DOP1B: variants seen among roughly 807,000 people sequenced by gnomAD.
DOP1B encodes protein DOP1B.
A neutral mutation model predicts 233.5 loss-of-function variants in DOP1B; 174 were observed. The ratio of observed to expected loss-of-function variants is 0.75; its 90% CI spans 0.66 to 0.85. The LOEUF (loss-of-function observed/expected upper bound fraction) is 0.85. Ranked by LOEUF, DOP1B falls within the 40% of genes least tolerant of loss-of-function variation. DOP1B has a pLI of 0.00. For synonymous variants in DOP1B, 1,190 were observed against 1,185.6 expected (o/e 1.00, Z -0.08); for missense variants, 2,652 against 2,846.6 (o/e 0.93, Z 1.56).
chr21:36,265,752 G>A (rs1281407461), intron 26 of DOP1B, among the ~76,000 whole-genome samples: 2 of 152,146 alleles, frequency 1.3e-5, no homozygotes, highest in Non-Finnish European at 2.9e-5. Flanking sequence ...CCTTCCTACT[G>A]TTTTGAGCGA....
At chr21:36,227,513 C>G (rs529380679) in intron 12 of DOP1B, among the ~76,000 whole-genome samples, 173 bp from the exon 13 acceptor site, 19 of 151,622 alleles carry the variant, frequency 1.3e-4, no homozygotes, top group South Asian at 8.4e-4. Flanking sequence ...CGACACTGCA[C>G]TCCAGCCTGG....
At chr21:36,183,419 A>G (rs1374147564) in intron 2 of DOP1B, among the ~76,000 whole-genome samples, 1 of 152,246 alleles carries the variant, frequency 6.6e-6, no homozygotes, top group Non-Finnish European at 1.5e-5. Context: ...CTTTACAGCC[A>G]CACATGTCCT....
rs146090646 is a variant in DOP1B, at chr21:36,256,203, C to T, written c.5259+2294C>T. On this transcript the variant is annotated intron_variant, in intron 23 of 36. Transcript: ENST00000691173. ...ATTAGGGGGGCCGGGCATGGTGGCT[C>T]ATGCCTGTAGTCCTAGCACTTTAGT... 6.8e-3 allele frequency among the ~76,000 whole-genome samples: 1,034 copies of T among 152,222 alleles called. 11 individuals are homozygous for T. Among genetic ancestry groups the T allele is most frequent in the African/African-American group, 0.024 (1,004 of 41,540 alleles).
chr21:36,231,570 G>A (rs1485646604), intron 14 of DOP1B, among the ~76,000 whole-genome samples: 1 of 152,052 alleles, frequency 6.6e-6, no homozygotes, highest in East Asian at 1.9e-4. Flanking sequence ...AACCCTGGGT[G>A]TCCAGCACAG....
chr21:36,292,270 T>TTTGTTGAGACAGAG, intron 36 of DOP1B, 37 bp downstream of exon 36: 1 of 1,501,828 alleles, frequency 6.7e-7, no homozygotes, highest in Non-Finnish European at 8.9e-7. Context: ...TTTTTTTTTT[T>TTTGTTGAGACAGAG]TGGTGAGACA....
chr21:36,173,060 C>T lies in DOP1B; in HGVS notation c.138+8189C>T, dbSNP rs369080631. Among the ~76,000 whole-genome samples the T allele has an allele frequency of 4.5e-4, 69 of 152,208 alleles. No individual in the cohort carries two copies. In the East Asian group the frequency reaches 8.7e-3, roughly 19 times the overall value. ...GCTTGAACCTGGGAGGCAGAGGTTG[C>T]AGTGAGCCAAGATTGCACCACTGCA... On this transcript the variant is annotated intron_variant, in intron 2 of 36. Transcript: ENST00000691173.
In DOP1B at chr21:36,183,976, G is replaced by T. The variant is rs545662170; in HGVS notation, c.139-15094G>T. Among the ~76,000 whole-genome samples, 69 of 151,846 alleles carry T rather than the reference G, an allele frequency of 4.5e-4. 1 individual carries two copies. The highest frequency in any genetic ancestry group is 1.6e-3 in the African/African-American group (66 of 41,400). On this transcript the variant is annotated intron_variant, in intron 2 of 36. Coordinates refer to ENST00000691173, the MANE Select transcript of DOP1B (RefSeq NM_001320714.2). ...CCTCCCAGGTTCAAGCTATTCTCCTGCCTCAGCTTCCCGAGTAGCTGGGAC... is the reference window on the plus strand; with the variant it reads ...CCTCCCAGGTTCAAGCTATTCTCCTTCCTCAGCTTCCCGAGTAGCTGGGAC...
At chr21:36,265,316 A>C (rs1430916795) in intron 26 of DOP1B, among the ~76,000 whole-genome samples, 1 of 152,140 alleles carries the variant, frequency 6.6e-6, no homozygotes, top group Non-Finnish European at 1.5e-5. Flanking sequence ...GAATCGCTTG[A>C]ACCTGGGAGG....
At chr21:36,223,470 G>A in intron 11 of DOP1B, 120 bp downstream of exon 11, 1 of 1,319,946 alleles carries the variant, frequency 7.6e-7, no homozygotes, top group Non-Finnish European at 1.0e-6. Flanking sequence ...TCTTTCCTGA[G>A]TTTTAAAATT....
chr21:36,266,194 G>T (rs569649185), intron 26 of DOP1B, among the ~76,000 whole-genome samples: 170 of 152,162 alleles, frequency 1.1e-3, no homozygotes, highest in Non-Finnish European at 2.0e-3. Context: ...TTATTTTTTT[G>T]AGACAGAGTC....
chr21:36,170,769 G>A lies in DOP1B; in HGVS notation c.138+5898G>A, dbSNP rs987131629. ...TGATCATGCCACTACGCTGCAGCAC[G>A]TAGTGCTGAGTGACAGAACAAAACC... is the stretch of plus-strand genomic sequence containing the variant. On this transcript the variant is annotated intron_variant, in intron 2 of 36. Coordinates refer to ENST00000691173, the MANE Select transcript of DOP1B (RefSeq NM_001320714.2). 3.3e-5 allele frequency among the ~76,000 whole-genome samples: 5 copies of A among 151,176 alleles called. No homozygotes were observed. In the South Asian group the frequency reaches 6.3e-4, roughly 19 times the overall value.
chr21:36,225,108 T>C (rs1034693909), intron 11 of DOP1B, among the ~76,000 whole-genome samples: 1 of 152,208 alleles, frequency 6.6e-6, no homozygotes, highest in South Asian at 2.1e-4. Flanking sequence ...ACATGTTAGA[T>C]ACTTTTAGTC....
chr21:36,227,536 G>C (rs1185762849), intron 12 of DOP1B, 150 bp from the exon 13 acceptor site: 1 of 720,108 alleles, frequency 1.4e-6, no homozygotes, highest in Non-Finnish European at 2.1e-6. Context: ...TACAGAGCAA[G>C]ACTCTGTCAA....
intron 2 of DOP1B, among the ~76,000 whole-genome samples, chr21:36,175,035 C>T (rs774986361): frequency 6.6e-6 from 1 of 152,070 alleles, no homozygotes; most frequent in Non-Finnish European, 1.5e-5. Flanking sequence ...CGCTGCCTGG[C>T]TTGGAGATGG....
At chr21:36,225,110 C>G (rs571052055) in intron 11 of DOP1B, among the ~76,000 whole-genome samples, 5 of 152,160 alleles carry the variant, frequency 3.3e-5, no homozygotes, top group Admixed American at 3.3e-4. Flanking sequence ...ATGTTAGATA[C>G]TTTTAGTCAC....
At position 36,205,044 on chromosome 21, in the gene DOP1B, C is replaced by A. The variant is rs904416722; in HGVS notation, c.492-3671C>A. On this transcript the variant is annotated intron_variant, in intron 4 of 36. Coordinates refer to ENST00000691173, the MANE Select transcript of DOP1B (RefSeq NM_001320714.2). ...TTTTGCCCCCTCTTTAGCGCTGTTT[C>A]TGACCTGCAGTTTACAGTACAGGGT... 2.0e-5 allele frequency among the ~76,000 whole-genome samples: 3 copies of A among 152,144 alleles called. No individual in the cohort carries two copies. The East Asian group carries it at 5.8e-4, about 29-fold the overall frequency.
rs201864877 is a variant in DOP1B, at chr21:36,246,127, G to A, written c.4147G>A (p.Val1383Ile). The A allele has an allele frequency of 3.7e-5, 59 of 1,614,078 alleles. No individual in the cohort carries two copies. In the East Asian group the frequency reaches 1.2e-3, roughly 32 times the overall value. ...FIHSLLQRCKVQEFVLLSLSA... is the reference protein window; with the variant it reads ...FIHSLLQRCKIQEFVLLSLSA... ...CCACAGCTTGCTGCAGAGGTGCAAAGTTCAGGAGTTTGTCCTGCTCTCCCT... is the reference window on the plus strand; with the variant it reads ...CCACAGCTTGCTGCAGAGGTGCAAAATTCAGGAGTTTGTCCTGCTCTCCCT... The change falls in exon 19 of 37, where the codon GTT becomes ATT. Residue 1383 changes from valine (V) to isoleucine (I), a missense_variant. By Grantham distance (29) the Val-to-Ile change is conservative (BLOSUM62 3). Around this residue, in one of 3 missense-constraint regions of DOP1B, gnomAD observed 2,617 missense variants for 2,794.3 expected, o/e 0.94. Coordinates refer to ENST00000691173, the MANE Select transcript of DOP1B (RefSeq NM_001320714.2). The surrounding 1 kb of genome is among the most constrained non-coding windows in gnomAD (Gnocchi z 5.1).
At chr21:36,281,290 T>G (rs1479085528) in intron 31 of DOP1B, among the ~76,000 whole-genome samples, 193 bp from the exon 32 acceptor site, 1 of 152,192 alleles carries the variant, frequency 6.6e-6, no homozygotes, top group Non-Finnish European at 1.5e-5. Context: ...AATGAGATCC[T>G]GTCTCAAATA....
chr21:36,251,266 G>A lies in DOP1B; in HGVS notation c.5103G>A (p.Gln1701=), dbSNP rs2067030205. The change falls in exon 22 of 37, where the codon CAG becomes CAA. Residue 1701 remains glutamine (Q), a synonymous_variant. Coordinates refer to ENST00000691173, the MANE Select transcript of DOP1B (RefSeq NM_001320714.2). ...VAAVWSRKKA[Q]RHSKMKIIPT... is the part of the protein sequence containing the mutation. ...CAGTGTGGAGCAGAAAGAAAGCCCA[G>A]CGTCACAGTAAGATGAAGGTAAAGT... 1 of 1,613,000 alleles carries A rather than the reference G, an allele frequency of 6.2e-7. No individual in the cohort carries two copies. The highest frequency in any genetic ancestry group is 1.7e-5 in the Admixed American group (1 of 59,754).
Sources: allele counts gnomAD v4.1 joint callset (sites outside exome capture counted in the v4.1 genomes callset), GRCh38; gene constraint gnomAD v4.1.1; regional missense constraint gnomAD v4.1.1; non-coding constraint Gnocchi (gnomAD v3.1); transcripts MANE v1.5; gene names NCBI Gene and HGNC (gene_info 2026-07-23, HGNC 2026-07-21).